MAGI3: variants seen among roughly 807,000 people sequenced by gnomAD.
MAGI3 encodes the protein membrane associated guanylate kinase, WW and PDZ domain containing 3.
MAGI3 carries 43 observed loss-of-function variants against 121.8 expected under a neutral mutation model. The observed-to-expected ratio is 0.35, with a 90% confidence interval of 0.28 to 0.46. MAGI3 has a LOEUF of 0.46. Ranked by LOEUF, MAGI3 falls within the 20% of genes least tolerant of loss-of-function variation. MAGI3 has a pLI of 1.00. For synonymous variants in MAGI3, 553 were observed against 639.3 expected, an observed-to-expected ratio of 0.86 and a Z score of 2.04; for missense variants, 1,547 against 1,797.3, an observed-to-expected ratio of 0.86 and a Z score of 2.52.
In MAGI3 at chr1:113,684,164, CT is replaced by C; in HGVS notation, c.*153del. Reference sequence around the variant, plus strand: ...AAGTTACCTAGGCTGCATGAAGGGCCTTTAGGATTGCTAAGAACCAACTGTC... The same window carrying C: ...AAGTTACCTAGGCTGCATGAAGGGCCTTAGGATTGCTAAGAACCAACTGTC... On this transcript the variant is annotated 3_prime_UTR_variant, in exon 21 of 21. Coordinates refer to ENST00000307546, the MANE Select transcript of MAGI3 (RefSeq NM_001142782.2). 1 of 872,164 alleles carries C rather than the reference CT, an allele frequency of 1.1e-6. No homozygotes were observed. Among genetic ancestry groups the C allele is most frequent in the Non-Finnish European group, 1.6e-6 (1 of 608,052 alleles). 54.0% of individuals were successfully genotyped at this position (872,164 alleles called of 1,614,324 possible).
At chr1:113,392,934 A>G (rs1650905493) in intron 1 of MAGI3, among the ~76,000 whole-genome samples, 1 of 152,214 alleles carries the variant, frequency 6.6e-6, no homozygotes, top group Non-Finnish European at 1.5e-5. Flanking sequence ...GAGTTAGTGA[A>G]TAGTGAGAAC....
chr1:113,449,301 C>T (rs1292525869), intron 1 of MAGI3, among the ~76,000 whole-genome samples: 1 of 151,252 alleles, frequency 6.6e-6, no homozygotes, highest in Non-Finnish European at 1.5e-5. Flanking sequence ...TGAATTTCCT[C>T]GTTTAGTCTT....
In MAGI3 at chr1:113,518,759, G is replaced by A. The variant is rs139369391; in HGVS notation, c.317-30756G>A. 6.9e-3 allele frequency among the ~76,000 whole-genome samples: 1,044 copies of A among 151,996 alleles called. 7 individuals are homozygous for A. The highest frequency in any genetic ancestry group is 0.011 in the Non-Finnish European group (723 of 67,954). ...TAGAAAAACATGTGTATTGTGTTTT[G>A]TCTCCATAGGGATCTTAAATCTAAT... On this transcript the variant is annotated intron_variant, in intron 1 of 20. Transcript: ENST00000307546.
At chr1:113,439,439 C>T (rs1293209112) in intron 1 of MAGI3, among the ~76,000 whole-genome samples, 1 of 152,184 alleles carries the variant, frequency 6.6e-6, no homozygotes, top group Non-Finnish European at 1.5e-5. Context: ...TTTCTTATCA[C>T]CTGGCAAGCT....
intron 1 of MAGI3, among the ~76,000 whole-genome samples, chr1:113,534,538 A>G (rs919033699): frequency 2.6e-5 from 4 of 151,882 alleles, no homozygotes; most frequent in African/African-American, 9.7e-5. Flanking sequence ...GGCTTCCCCT[A>G]CCAGTCACAA....
At chr1:113,533,880 A>G (rs1202843047) in intron 1 of MAGI3, among the ~76,000 whole-genome samples, 1 of 150,158 alleles carries the variant, frequency 6.7e-6, no homozygotes, top group Non-Finnish European at 1.5e-5. Flanking sequence ...TTTTCTTGGG[A>G]CACGGTGAAT....
At chr1:113,495,211 A>AT (rs943760633) in intron 1 of MAGI3, among the ~76,000 whole-genome samples, 9 of 151,740 alleles carry the variant, frequency 5.9e-5, no homozygotes, top group Non-Finnish European at 8.8e-5. Context: ...AGAGGATCTA[A>AT]TTTTTTTTTA....
chr1:113,536,942 A>T (rs1344975861), intron 1 of MAGI3, among the ~76,000 whole-genome samples: 1 of 152,152 alleles, frequency 6.6e-6, no homozygotes, highest in African/African-American at 2.4e-5. Context: ...GTTTAATTGC[A>T]GGCCCCATAG....
At chr1:113,661,263 T>G (rs1279973294) in intron 16 of MAGI3, among the ~76,000 whole-genome samples, 1 of 152,232 alleles carries the variant, frequency 6.6e-6, no homozygotes, top group Non-Finnish European at 1.5e-5. Flanking sequence ...TTCAGGTCTC[T>G]GTTTAAATCT....
chr1:113,448,034 C>G (rs1347253801), intron 1 of MAGI3, among the ~76,000 whole-genome samples: 1 of 152,064 alleles, frequency 6.6e-6, no homozygotes, highest in Non-Finnish European at 1.5e-5. Context: ...TGGTAATATT[C>G]ATTATATTTT....
rs1276061834 is a variant in MAGI3 at position 113,652,633 on chromosome 1, G to T, written c.2441-1197G>T. ...GTTTGGTATTATTGGAGACATTTTA[G>T]CTAATACATTCTAACTATGCATTTT... On this transcript the variant is annotated intron_variant, in intron 14 of 20. Coordinates refer to ENST00000307546, the MANE Select transcript of MAGI3 (RefSeq NM_001142782.2). 4.6e-5 allele frequency among the ~76,000 whole-genome samples: 7 copies of T among 151,344 alleles called. No individual in the cohort carries two copies. The Admixed American group carries it at 4.6e-4, about 10-fold the overall frequency.
chr1:113,597,654 A>G (rs920502502), intron 6 of MAGI3, among the ~76,000 whole-genome samples: 1 of 152,216 alleles, frequency 6.6e-6, no homozygotes, highest in South Asian at 2.1e-4. Context: ...ACTAAAGTAC[A>G]CTGACGCTCA....
intron 3 of MAGI3, 39 bp from the exon 4 acceptor site, chr1:113,585,348 C>T (rs368979834): frequency 6.3e-7 from 1 of 1,583,978 alleles, no homozygotes; most frequent in Non-Finnish European, 8.7e-7. Flanking sequence ...ACTCTCACTG[C>T]AACATTAGTA....
intron 4 of MAGI3, among the ~76,000 whole-genome samples, chr1:113,589,668 A>T (rs1648579252): frequency 1.3e-5 from 2 of 152,120 alleles, no homozygotes; most frequent in South Asian, 4.1e-4. Context: ...CTAAGGATAT[A>T]TAAGATCTCT....
At chr1:113,604,625 C>A (rs1339643356) in intron 6 of MAGI3, among the ~76,000 whole-genome samples, 1 of 139,130 alleles carries the variant, frequency 7.2e-6, no homozygotes, top group Non-Finnish European at 1.6e-5. Flanking sequence ...TATATATATA[C>A]CATGGAATAC....
At chr1:113,530,403 A>G (rs1380731618) in intron 1 of MAGI3, among the ~76,000 whole-genome samples, 2 of 152,024 alleles carry the variant, frequency 1.3e-5, no homozygotes, top group Non-Finnish European at 2.9e-5. Context: ...CTAAACAAGA[A>G]TACATGGACA....
intron 1 of MAGI3, among the ~76,000 whole-genome samples, chr1:113,509,219 A>T (rs1237950915): frequency 6.6e-6 from 1 of 152,110 alleles, no homozygotes. Context: ...TTTATTGTTT[A>T]AAAAAACCCC....
At chr1:113,550,132 C>T (rs900406318) in intron 2 of MAGI3, among the ~76,000 whole-genome samples, 2 of 145,308 alleles carry the variant, frequency 1.4e-5, no homozygotes, top group Admixed American at 7.0e-5. Context: ...AAAAAAAGGC[C>T]GGGCGCGGTG....
rs574125988 is a variant in MAGI3, at chr1:113,557,099, A to T, written c.433+7468A>T. ...GCTGTTTGGTCGACTCAGCCATTCCAGCCTGCGGGCTTTGGAGAGTCCAAA... is the reference window on the plus strand; with the variant it reads ...GCTGTTTGGTCGACTCAGCCATTCCTGCCTGCGGGCTTTGGAGAGTCCAAA... On this transcript the variant is annotated intron_variant, in intron 2 of 20. Coordinates refer to ENST00000307546, the MANE Select transcript of MAGI3 (RefSeq NM_001142782.2). Among the ~76,000 whole-genome samples the T allele has an allele frequency of 2.0e-5, 3 of 152,232 alleles. No homozygotes were observed. The South Asian group carries it at 6.2e-4, about 31-fold the overall frequency.
Sources: gnomAD v4.1 joint callset for allele counts (sites outside exome capture counted in the v4.1 genomes callset) on GRCh38, gnomAD v4.1.1 for gene constraint, MANE v1.5 for transcripts, NCBI Gene and HGNC (gene_info 2026-07-23, HGNC 2026-07-21) for gene names.